Variants in UBASH3B observed in about 807,000 individuals in gnomAD.
UBASH3B encodes the protein ubiquitin-associated and SH3 domain-containing protein B.
A neutral mutation model predicts 83.4 loss-of-function variants in UBASH3B; 37 were observed. That is an observed-to-expected ratio of 0.44 (90% CI 0.34 to 0.58). The LOEUF is 0.58. Among genes scored for constraint, UBASH3B ranks in the 20% least tolerant of loss-of-function variants. UBASH3B has a pLI of 0.01. For missense variants in UBASH3B, 657 were observed against 827.2 expected, an observed-to-expected ratio of 0.79 and a Z score of 2.52; for synonymous variants, 304 against 318.3, an observed-to-expected ratio of 0.96 and a Z score of 0.48.
intron 12 of UBASH3B, 43 bp from the exon 13 acceptor site, chr11:122,808,024 C>A: frequency 6.7e-7 from 1 of 1,491,242 alleles, no homozygotes; most frequent in Non-Finnish European, 9.4e-7. Flanking sequence ...GTTTCCATGT[C>A]TTTATAGAAA....
intron 1 of UBASH3B, among the ~76,000 whole-genome samples, chr11:122,710,331 C>T (rs1046019406): frequency 3.3e-5 from 5 of 152,108 alleles, no homozygotes; most frequent in African/African-American, 4.8e-5. Context: ...AGTCCCGGAG[C>T]GGGCTGGTGG....
chr11:122,739,420 T>C (rs1198216431), intron 1 of UBASH3B, among the ~76,000 whole-genome samples: 1 of 152,184 alleles, frequency 6.6e-6, no homozygotes, highest in Non-Finnish European at 1.5e-5. Flanking sequence ...TCTCCACTAA[T>C]AAAATGGGAA....
At chr11:122,738,384 T>C (rs542893340) in intron 1 of UBASH3B, among the ~76,000 whole-genome samples, 8 of 152,324 alleles carry the variant, frequency 5.3e-5, no homozygotes, top group South Asian at 4.1e-4. Context: ...TGAGAGAGGC[T>C]GTTTAAATGC....
chr11:122,663,546 C>T (rs1002300414), intron 1 of UBASH3B, among the ~76,000 whole-genome samples: 1 of 152,208 alleles, frequency 6.6e-6, no homozygotes, highest in Non-Finnish European at 1.5e-5. Context: ...GAGCTAAAGG[C>T]GTTGCTTTTC....
At chr11:122,733,286 C>G (rs1038405490) in intron 1 of UBASH3B, among the ~76,000 whole-genome samples, 2 of 152,198 alleles carry the variant, frequency 1.3e-5, no homozygotes, top group Non-Finnish European at 2.9e-5. Flanking sequence ...ATACAAAGTG[C>G]TTTCTTCAAT....
intron 1 of UBASH3B, among the ~76,000 whole-genome samples, chr11:122,688,320 G>A (rs1429037089): frequency 6.6e-6 from 1 of 151,788 alleles, no homozygotes; most frequent in Non-Finnish European, 1.5e-5. Flanking sequence ...CTGGAGCGTA[G>A]TGGCACGATC....
rs191394908 is a variant in UBASH3B, at chr11:122,676,489, C to T, written c.161+20279C>T. On this transcript the variant is annotated intron_variant, in intron 1 of 13. Transcript: ENST00000284273. ...CTGGGAGGCAGAGGTTGCAGTGAGCCGAGATTGCGCCAGTGCACTCCAACC... is the reference window on the plus strand; with the variant it reads ...CTGGGAGGCAGAGGTTGCAGTGAGCTGAGATTGCGCCAGTGCACTCCAACC... Among the ~76,000 whole-genome samples the T allele has an allele frequency of 2.9e-4, 44 of 152,086 alleles. No individual in the cohort carries two copies. The East Asian group carries it at 3.5e-3, about 12-fold the overall frequency.
chr11:122,764,120 C>T (rs1466449873), intron 1 of UBASH3B, among the ~76,000 whole-genome samples: 3 of 152,122 alleles, frequency 2.0e-5, no homozygotes, highest in African/African-American at 4.8e-5. Flanking sequence ...TTTCTGAGTG[C>T]AAGGGCCATT....
At chr11:122,771,413 G>A (rs1437902958) in intron 1 of UBASH3B, among the ~76,000 whole-genome samples, 4 of 151,990 alleles carry the variant, frequency 2.6e-5, no homozygotes, top group Non-Finnish European at 5.9e-5. Flanking sequence ...GCTAATTTTT[G>A]TATTTTTAGT....
intron 1 of UBASH3B, among the ~76,000 whole-genome samples, chr11:122,742,215 C>T (rs987652910): frequency 4.1e-4 from 63 of 152,236 alleles, no homozygotes; most frequent in African/African-American, 1.4e-3. Context: ...TCGGGAGAAC[C>T]TTTTTAGAAA....
intron 1 of UBASH3B, among the ~76,000 whole-genome samples, chr11:122,705,683 C>T (rs1183233918): frequency 6.6e-6 from 1 of 152,152 alleles, no homozygotes; most frequent in Non-Finnish European, 1.5e-5. Flanking sequence ...TGGGCTTCCT[C>T]ACCAGGGACC....
At chr11:122,683,808 G>A (rs76177590) in intron 1 of UBASH3B, among the ~76,000 whole-genome samples, 2,597 of 151,386 alleles carry the variant, frequency 0.017, 82 homozygotes, top group African/African-American at 0.059. Flanking sequence ...CTATACTTGA[G>A]ATGGAGGGTT....
intron 1 of UBASH3B, among the ~76,000 whole-genome samples, chr11:122,694,075 T>C (rs1185731437): frequency 6.6e-6 from 1 of 152,164 alleles, no homozygotes; most frequent in Non-Finnish European, 1.5e-5. Context: ...ATTTGGGTGA[T>C]ATGTAGACGT....
chr11:122,705,693 C>CTTAA (rs1864109399), intron 1 of UBASH3B, among the ~76,000 whole-genome samples: 1 of 152,142 alleles, frequency 6.6e-6, no homozygotes, highest in East Asian at 1.9e-4. Flanking sequence ...CACCAGGGAC[C>CTTAA]TTAAATCTCA....
At chr11:122,723,994 TG>T (rs1860687805) in intron 1 of UBASH3B, among the ~76,000 whole-genome samples, 1 of 152,252 alleles carries the variant, frequency 6.6e-6, no homozygotes, top group South Asian at 2.1e-4. Flanking sequence ...ATGTGGACTT[TG>T]GTGGGTGGTC....
At chr11:122,706,857 G>T (rs1473156590) in intron 1 of UBASH3B, among the ~76,000 whole-genome samples, 3 of 152,138 alleles carry the variant, frequency 2.0e-5, no homozygotes, top group African/African-American at 7.2e-5. Context: ...AAAATTGTTT[G>T]TCTCTAAATC....
intron 1 of UBASH3B, among the ~76,000 whole-genome samples, chr11:122,729,755 T>C (rs1860806149): frequency 1.6e-5 from 2 of 128,632 alleles, no homozygotes. Flanking sequence ...AGCCCAGGAG[T>C]TTGAAACCAG....
intron 2 of UBASH3B, among the ~76,000 whole-genome samples, chr11:122,776,788 AG>A (rs1289899042): frequency 1.3e-5 from 2 of 152,100 alleles, no homozygotes; most frequent in African/African-American, 4.8e-5. Flanking sequence ...GGACTTTTTT[AG>A]GGAGTTGTAG....
intron 1 of UBASH3B, among the ~76,000 whole-genome samples, chr11:122,683,749 GT>G (rs1863774819): frequency 2.3e-5 from 1 of 43,436 alleles, no homozygotes; most frequent in African/African-American, 5.2e-5. Context: ...AAAATTGTGT[GT>G]GTGTGTGTGT....
Sources: allele counts gnomAD v4.1 joint callset (sites outside exome capture counted in the v4.1 genomes callset), GRCh38; gene constraint gnomAD v4.1.1; transcripts MANE v1.5; gene names NCBI Gene and HGNC (gene_info 2026-07-23, HGNC 2026-07-21).